SAMTOR: variants seen among roughly 807,000 people sequenced by gnomAD.
SAMTOR encodes the protein S-adenosylmethionine sensor upstream of mTORC1.
the SAMTOR span, among the ~76,000 whole-genome samples, chr7:112,849,850 G>A: frequency 6.6e-6 from 1 of 152,176 alleles, no homozygotes; most frequent in Non-Finnish European, 1.5e-5. Flanking sequence ...CTATTGAAGT[G>A]ATCATATGGT....
At chr7:112,904,644 G>C in the SAMTOR span, among the ~76,000 whole-genome samples, 3 of 151,992 alleles carry the variant, frequency 2.0e-5, no homozygotes, top group South Asian at 6.2e-4. Context: ...GCAAAAGAAA[G>C]GAAGAGTGCC....
At chr7:112,884,176 G>A in the SAMTOR span, among the ~76,000 whole-genome samples, 7 of 152,046 alleles carry the variant, frequency 4.6e-5, no homozygotes, top group African/African-American at 7.3e-5. Flanking sequence ...ACCTTCCACC[G>A]GGTCCTTCCC....
At chr7:112,915,793 A>G in the SAMTOR span, among the ~76,000 whole-genome samples, 1 of 152,210 alleles carries the variant, frequency 6.6e-6, no homozygotes, top group Non-Finnish European at 1.5e-5. Flanking sequence ...AATAATCCAA[A>G]GACATGCTGG....
the SAMTOR span, among the ~76,000 whole-genome samples, chr7:112,848,831 C>A: frequency 1.3e-5 from 2 of 152,078 alleles, no homozygotes; most frequent in Non-Finnish European, 2.9e-5. Context: ...TGGGCGATCA[C>A]GAGGTCAGGA....
chr7:112,887,070 G>T, the SAMTOR span, among the ~76,000 whole-genome samples: 8 of 152,120 alleles, frequency 5.3e-5, no homozygotes, highest in African/African-American at 1.7e-4. Flanking sequence ...GGAGGCTGAG[G>T]CAGAAGAATT....
At chr7:112,927,153 G>T in the SAMTOR span, among the ~76,000 whole-genome samples, 1 of 151,732 alleles carries the variant, frequency 6.6e-6, no homozygotes, top group African/African-American at 2.4e-5. Context: ...TATGATTCAG[G>T]TTCTAAAATC....
chr7:112,891,596 T>C, the SAMTOR span, among the ~76,000 whole-genome samples: 417 of 152,316 alleles, frequency 2.7e-3, no homozygotes, highest in Middle Eastern at 6.8e-3. Context: ...TACAGCGAAA[T>C]ACCTCAGAGA....
At chr7:112,933,010 T>G in the SAMTOR span, among the ~76,000 whole-genome samples, 1 of 152,088 alleles carries the variant, frequency 6.6e-6, no homozygotes, top group Non-Finnish European at 1.5e-5. Context: ...TTTAGAAAAT[T>G]TTACTTGAAT....
chr7:112,857,087 T>C, the SAMTOR span, among the ~76,000 whole-genome samples: 5 of 141,348 alleles, frequency 3.5e-5, no homozygotes, highest in African/African-American at 5.5e-5. Flanking sequence ...ATCTTTTTTT[T>C]TTTTTTTTTT....
chr7:112,834,491 C>A, the SAMTOR span, among the ~76,000 whole-genome samples: 3 of 151,908 alleles, frequency 2.0e-5, no homozygotes, highest in African/African-American at 7.3e-5. Context: ...TTTCAGTTAC[C>A]CGCAGTTAAC....
the SAMTOR span, among the ~76,000 whole-genome samples, chr7:112,834,308 T>C: frequency 6.6e-6 from 1 of 152,208 alleles, no homozygotes; most frequent in South Asian, 2.1e-4. Context: ...TCACATCTTT[T>C]GTTGGAGTTA....
At chr7:112,932,109 T>A in the SAMTOR span, among the ~76,000 whole-genome samples, 3 of 151,988 alleles carry the variant, frequency 2.0e-5, no homozygotes, top group Admixed American at 2.0e-4. Flanking sequence ...GTATTTTTAG[T>A]AGAGACAGGG....
the SAMTOR span, among the ~76,000 whole-genome samples, chr7:112,840,035 A>AC: frequency 1.3e-5 from 2 of 151,780 alleles, no homozygotes; most frequent in South Asian, 2.1e-4. Context: ...TATCTGCTCT[A>AC]CCTATTCTAT....
chr7:112,838,234 G>A, the SAMTOR span, among the ~76,000 whole-genome samples: 1 of 152,028 alleles, frequency 6.6e-6, no homozygotes, highest in African/African-American at 2.4e-5. Flanking sequence ...GTTTTAGTAA[G>A]TTAGGTAATT....
the SAMTOR span, among the ~76,000 whole-genome samples, chr7:112,903,883 T>G: frequency 6.6e-6 from 1 of 152,102 alleles, no homozygotes; most frequent in African/African-American, 2.4e-5. Flanking sequence ...TTAAAAAATC[T>G]ACTGGAAGAT....
the SAMTOR span, among the ~76,000 whole-genome samples, chr7:112,901,688 A>G: frequency 6.6e-6 from 1 of 152,212 alleles, no homozygotes; most frequent in Non-Finnish European, 1.5e-5. Context: ...ACTGTTATCT[A>G]AAATATAGAA....
At chr7:112,848,090 C>A in the SAMTOR span, among the ~76,000 whole-genome samples, 1 of 152,080 alleles carries the variant, frequency 6.6e-6, no homozygotes, top group Non-Finnish European at 1.5e-5. Context: ...GAATTAGAGG[C>A]TATACTGAGC....
the SAMTOR span, chr7:112,820,445 T>G: frequency 6.6e-6 from 1 of 152,356 alleles, no homozygotes; most frequent in Non-Finnish European, 1.5e-5. Flanking sequence ...AACCTCAGTA[T>G]GAGGTAATTT....
the SAMTOR span, among the ~76,000 whole-genome samples, chr7:112,899,728 C>T: frequency 7.0e-6 from 1 of 142,190 alleles, no homozygotes; most frequent in South Asian, 2.2e-4. Flanking sequence ...TGGCAGCACA[C>T]TTCTCAGTGG....
Sources: gnomAD v4.1 joint callset for allele counts (sites outside exome capture counted in the v4.1 genomes callset) on GRCh38, gnomAD v4.1.1 for gene constraint, MANE v1.5 for transcripts, NCBI Gene and HGNC (gene_info 2026-07-23, HGNC 2026-07-21) for gene names.